Variants in ZC3H12B observed in about 807,000 individuals in gnomAD.
The protein encoded by ZC3H12B is zinc finger CCCH-type containing 12B.
ZC3H12B carries 7 observed loss-of-function variants against 43.9 expected under a neutral mutation model. That is an observed-to-expected ratio of 0.16 (90% CI 0.09 to 0.30). The LOEUF (loss-of-function observed/expected upper bound fraction) is 0.30, where lower values mean the gene tolerates loss of function less well. Ranked by LOEUF, ZC3H12B falls within the 10% of genes least tolerant of loss-of-function variation. ZC3H12B has a pLI of 1.00. For missense variants in ZC3H12B, 475 were observed against 670.2 expected, an observed-to-expected ratio of 0.71 and a Z score of 3.22; for synonymous variants, 222 against 241.7, an observed-to-expected ratio of 0.92 and a Z score of 0.76.
chrX:65,283,085 G>A, the ZC3H12B span, among the ~76,000 whole-genome samples: 5 of 111,340 alleles, frequency 4.5e-5, no homozygotes, highest in Admixed American at 9.5e-5. Context: ...TAAAATTCTC[G>A]CAAACCGAAT....
At chrX:65,235,547 C>T in the ZC3H12B span, among the ~76,000 whole-genome samples, 7 of 111,021 alleles carry the variant, frequency 6.3e-5, no homozygotes, top group African/African-American at 2.3e-4. Context: ...TCACTTTGCC[C>T]ACTCAGCCTG....
the ZC3H12B span, among the ~76,000 whole-genome samples, chrX:65,330,196 C>T: frequency 9.0e-6 from 1 of 111,498 alleles, no homozygotes; most frequent in African/African-American, 3.3e-5. Context: ...CATGATTTGG[C>T]TTTCTGTTTG....
At chrX:65,060,404 C>T in the ZC3H12B span, among the ~76,000 whole-genome samples, 2 of 111,930 alleles carry the variant, frequency 1.8e-5, no homozygotes, top group African/African-American at 6.5e-5. Context: ...GGGTTTTCAA[C>T]ATGAAACGAT....
chrX:65,290,865 A>G, the ZC3H12B span, among the ~76,000 whole-genome samples: 1 of 110,524 alleles, frequency 9.0e-6, no homozygotes, highest in East Asian at 2.8e-4. Context: ...GAATGGGGGG[A>G]TATGGAAGGA....
chrX:65,117,393 T>C, the ZC3H12B span, among the ~76,000 whole-genome samples: 8 of 112,161 alleles, frequency 7.1e-5, no homozygotes, highest in African/African-American at 2.6e-4. Context: ...CTTCGCCCAC[T>C]TTTTGATGGG....
intron 3 of ZC3H12B, among the ~76,000 whole-genome samples, chrX:65,467,061 G>A (rs1190698870): frequency 1.0e-5 from 1 of 99,205 alleles, no homozygotes; most frequent in African/African-American, 3.5e-5. Flanking sequence ...ACTAGAGTAT[G>A]GACATTGTAC....
chrX:65,185,835 T>C, the ZC3H12B span: 19 of 111,434 alleles, frequency 1.7e-4, no homozygotes, highest in Non-Finnish European at 2.1e-4. Flanking sequence ...GATAACCAAA[T>C]CTTGAAAGAT....
the ZC3H12B span, among the ~76,000 whole-genome samples, chrX:65,133,340 T>C: frequency 9.0e-6 from 1 of 110,531 alleles, no homozygotes; most frequent in African/African-American, 3.3e-5. Context: ...CTTTTTCTAA[T>C]GTCGGGAGTG....
chrX:65,307,944 G>A, the ZC3H12B span, among the ~76,000 whole-genome samples: 1 of 111,534 alleles, frequency 9.0e-6, no homozygotes, highest in African/African-American at 3.3e-5. Flanking sequence ...ATAAAATACT[G>A]AAATAAAGCA....
the ZC3H12B span, among the ~76,000 whole-genome samples, chrX:65,254,106 G>A: frequency 2.7e-5 from 3 of 111,839 alleles, no homozygotes; most frequent in African/African-American, 9.7e-5. Context: ...GCACACGAAT[G>A]GAGACCTCCA....
chrX:65,119,561 A>G, the ZC3H12B span, among the ~76,000 whole-genome samples: 15 of 111,307 alleles, frequency 1.3e-4, no homozygotes, highest in Non-Finnish European at 2.8e-4. Context: ...TTGTCAGATG[A>G]GTAGGTTGTG....
chrX:65,407,516 AG>A (rs1311326526), intron 3 of ZC3H12B, among the ~76,000 whole-genome samples: 2 of 113,416 alleles, frequency 1.8e-5, no homozygotes, highest in Non-Finnish European at 3.8e-5. Flanking sequence ...CCGAGGGCGC[AG>A]CCGAGTCTTG....
chrX:65,238,872 A>G, the ZC3H12B span, among the ~76,000 whole-genome samples: 1 of 111,914 alleles, frequency 8.9e-6, no homozygotes, highest in Non-Finnish European at 1.9e-5. Context: ...AGATTTTTCA[A>G]TCTTCATGTA....
the ZC3H12B span, among the ~76,000 whole-genome samples, chrX:65,080,320 GATA>G: frequency 2.7e-5 from 3 of 109,791 alleles, no homozygotes; most frequent in East Asian, 5.7e-4. Flanking sequence ...TATTCAAAAA[GATA>G]ATAACAGAGA....
At chrX:65,183,459 GT>G in the ZC3H12B span, among the ~76,000 whole-genome samples, 1 of 110,890 alleles carries the variant, frequency 9.0e-6, no homozygotes, top group Non-Finnish European at 1.9e-5. Context: ...ACTTAATTGG[GT>G]ACTATACTCA....
chrX:65,459,430 C>T (rs1377486203), intron 3 of ZC3H12B, among the ~76,000 whole-genome samples: 14 of 111,448 alleles, frequency 1.3e-4, no homozygotes, highest in Non-Finnish European at 2.3e-4. Flanking sequence ...ACCAATATCC[C>T]TGATGAACAT....
the ZC3H12B span, among the ~76,000 whole-genome samples, chrX:65,299,929 A>C: frequency 8.9e-6 from 1 of 112,222 alleles, no homozygotes; most frequent in African/African-American, 3.2e-5. Flanking sequence ...TTGACCTTAC[A>C]TAGAGCTGGG....
chrX:65,241,008 C>A, the ZC3H12B span, among the ~76,000 whole-genome samples: 3 of 111,562 alleles, frequency 2.7e-5, no homozygotes, highest in Non-Finnish European at 5.7e-5. Context: ...CTGTTGGGAG[C>A]TCTCACCCAG....
At chrX:65,496,156 C>A (rs1425734019) in intron 1 of ZC3H12B, among the ~76,000 whole-genome samples, 1 of 112,051 alleles carries the variant, frequency 8.9e-6, no homozygotes, top group East Asian at 2.8e-4. Context: ...TCTACAAAAT[C>A]GGTGTTACAT....
Sources: gnomAD v4.1 joint callset for allele counts (sites outside exome capture counted in the v4.1 genomes callset) on GRCh38, gnomAD v4.1.1 for gene constraint, MANE v1.5 for transcripts, NCBI Gene and HGNC (gene_info 2026-07-23, HGNC 2026-07-21) for gene names.